Variants in AFF1 observed in about 807,000 individuals in gnomAD.
AFF1 encodes AF4/FMR2 family member 1.
In AFF1, 48 loss-of-function variants were observed where a neutral mutation model predicts 121.7. The observed-to-expected ratio is 0.39, with a 90% CI of 0.31 to 0.50. The LOEUF is 0.50. Ranked by LOEUF, AFF1 falls within the 20% of genes least tolerant of loss-of-function variation. The pLI is 0.76. For synonymous variants in AFF1, 613 were observed against 563.0 expected, an observed-to-expected ratio of 1.09 and a Z score of -1.26; for missense variants, 1,523 against 1,511.7, an observed-to-expected ratio of 1.01 and a Z score of -0.12.
chr4:87,134,815 T>A, intron 20 of AFF1, 121 bp downstream of exon 20: 3 of 888,200 alleles, frequency 3.4e-6, no homozygotes, highest in Non-Finnish European at 5.0e-6. Flanking sequence ...TGTTTTACTT[T>A]AATTATATTT....
intron 1 of AFF1, among the ~76,000 whole-genome samples, chr4:86,940,647 G>C (rs753545964): frequency 6.6e-5 from 10 of 151,950 alleles, no homozygotes; most frequent in Non-Finnish European, 1.2e-4. Context: ...TGATCCACCC[G>C]CCTCAGCCTC....
At chr4:87,006,839 C>A in intron 2 of AFF1, 1 of 487,438 alleles carries the variant, frequency 2.1e-6, no homozygotes, top group Non-Finnish European at 2.7e-6. Flanking sequence ...CCAGGCTCTG[C>A]CCCCTACCCG....
intron 2 of AFF1, among the ~76,000 whole-genome samples, chr4:86,978,161 CT>C (rs202237411): frequency 0.036 from 848 of 23,866 alleles, 8 homozygotes; most frequent in Middle Eastern, 0.14. Context: ...ACTTCTCTTA[CT>C]TCTCATTACA....
chr4:86,987,618 G>A (rs1173138309), intron 2 of AFF1, among the ~76,000 whole-genome samples: 2 of 152,084 alleles, frequency 1.3e-5, no homozygotes, highest in Non-Finnish European at 2.9e-5. Context: ...TAATGATTTG[G>A]CACACCACCC....
intron 1 of AFF1, among the ~76,000 whole-genome samples, chr4:86,946,511 TAAGTA>T (rs1249370472): frequency 4.1e-4 from 45 of 109,456 alleles, no homozygotes; most frequent in Admixed American, 1.3e-3. Context: ...CTCAGCCTCT[TAAGTA>T]GAGTAGCTGG....
chr4:87,116,119 C>G (rs182459540), intron 12 of AFF1, among the ~76,000 whole-genome samples: 6 of 152,344 alleles, frequency 3.9e-5, no homozygotes, highest in African/African-American at 1.4e-4. Context: ...TACAACACCT[C>G]TTTACAGTTA....
intron 2 of AFF1, chr4:86,949,692 T>C (rs1384859566): frequency 1.3e-6 from 2 of 1,574,562 alleles, no homozygotes; most frequent in African/African-American, 1.4e-5. Flanking sequence ...ATGATGGGCA[T>C]GCGCAGGGGC....
intron 4 of AFF1, among the ~76,000 whole-genome samples, chr4:87,071,824 G>A (rs1434102497): frequency 6.6e-6 from 1 of 152,166 alleles, no homozygotes; most frequent in Non-Finnish European, 1.5e-5. Context: ...GAAAAGTATG[G>A]AGGGAAAGGG....
At chr4:87,081,580 G>A (rs1267781912) in intron 4 of AFF1, among the ~76,000 whole-genome samples, 1 of 152,220 alleles carries the variant, frequency 6.6e-6, no homozygotes, top group East Asian at 1.9e-4. Flanking sequence ...TGTAAAGGCA[G>A]TTAGCTAGAT....
At chr4:87,019,796 AAATT>A (rs2149554841) in intron 2 of AFF1, among the ~76,000 whole-genome samples, 1 of 148,640 alleles carries the variant, frequency 6.7e-6, no homozygotes, top group East Asian at 2.0e-4. Flanking sequence ...CCACTCCAGC[AAATT>A]AATTGAAACC....
intron 2 of AFF1, among the ~76,000 whole-genome samples, chr4:86,951,628 T>TTTTTTTTTTTTTTTTTTTTTTTTC (rs1560497324): frequency 1.6e-5 from 1 of 64,378 alleles, no homozygotes; most frequent in African/African-American, 3.5e-5. Flanking sequence ...TTTTTCTTTT[T>TTTTTTTTTTTTTTTTTTTTTTTTC]TTTTTTTTTT....
intron 2 of AFF1, among the ~76,000 whole-genome samples, chr4:87,002,077 C>A (rs1291190177): frequency 6.6e-6 from 1 of 151,764 alleles, no homozygotes; most frequent in Non-Finnish European, 1.5e-5. Context: ...AATAAGGCAA[C>A]CTGTTTAAAT....
At chr4:86,954,774 G>T (rs72667735) in intron 2 of AFF1, among the ~76,000 whole-genome samples, 26,472 of 152,146 alleles carry the variant, frequency 0.17, 2,505 homozygotes, top group East Asian at 0.31. Context: ...TTAAGTGGAA[G>T]TGGATCATCA....
chr4:86,989,425 G>A (rs1012062214), intron 2 of AFF1, among the ~76,000 whole-genome samples: 22 of 152,190 alleles, frequency 1.4e-4, no homozygotes, highest in Non-Finnish European at 2.5e-4. Context: ...AACATGAAAA[G>A]CAGCTCATCA....
chr4:86,953,410 C>T (rs971196609), intron 2 of AFF1, among the ~76,000 whole-genome samples: 1 of 152,196 alleles, frequency 6.6e-6, no homozygotes, highest in African/African-American at 2.4e-5. Flanking sequence ...GAGTACGCAG[C>T]TCTAATCATT....
intron 2 of AFF1, among the ~76,000 whole-genome samples, chr4:87,026,770 C>T (rs1347347703): frequency 2.6e-5 from 4 of 152,054 alleles, no homozygotes; most frequent in Non-Finnish European, 4.4e-5. Flanking sequence ...TAAGGTAATA[C>T]CTATTGTATT....
intron 2 of AFF1, among the ~76,000 whole-genome samples, chr4:87,015,321 C>CCA (rs1727188500): frequency 6.6e-6 from 1 of 152,000 alleles, no homozygotes; most frequent in African/African-American, 2.4e-5. Context: ...AAACTTTGTA[C>CCA]CACAGGGGAA....
intron 1 of AFF1, among the ~76,000 whole-genome samples, chr4:86,937,474 A>G (rs554656117): frequency 6.6e-6 from 1 of 152,338 alleles, no homozygotes; most frequent in East Asian, 1.9e-4. Context: ...GGTTGAGGTG[A>G]AAGTTACTTT....
rs1343602843 is a variant in AFF1, at chr4:87,010,564, TATAGAAGTATAAAA to T, written c.39-35600_39-35587del. Reference sequence around the variant, plus strand: ...GATGGAAAGTGCATCCAGACTATTTTATAGAAGTATAAAAACTAGCAACTAGTAAACCTAACAGT... The same window carrying T: ...GATGGAAAGTGCATCCAGACTATTTTACTAGCAACTAGTAAACCTAACAGT... On this transcript the variant is annotated intron_variant, in intron 2 of 20. Transcript: ENST00000395146. Among the ~76,000 whole-genome samples the T allele has an allele frequency of 2.0e-5, 3 of 152,334 alleles. No individual in the cohort carries two copies. In the East Asian group the frequency reaches 5.8e-4, roughly 29 times the overall value.
Sources: allele counts gnomAD v4.1 joint callset (sites outside exome capture counted in the v4.1 genomes callset), GRCh38; gene constraint gnomAD v4.1.1; transcripts MANE v1.5; gene names NCBI Gene and HGNC (gene_info 2026-07-23, HGNC 2026-07-21).